The following NREP variants were observed in gnomAD, a reference collection of about 807,000 sequenced individuals.
NREP encodes neuronal regeneration-related protein.
In NREP, 5 loss-of-function variants were observed where a neutral mutation model predicts 8.6. The ratio of observed to expected loss-of-function variants is 0.58; its 90% CI spans 0.30 to 1.22. NREP has a LOEUF of 1.22. Ranked by LOEUF, NREP falls within the 50% of genes most tolerant of loss-of-function variation. The pLI is 0.07. For missense variants in NREP, 86 were observed against 82.5 expected (o/e 1.04, Z -0.17); for synonymous variants, 27 against 28.0 (o/e 0.96, Z 0.11).
intron 2 of NREP, among the ~76,000 whole-genome samples, chr5:111,748,566 G>C (rs893525097): frequency 3.9e-5 from 6 of 152,136 alleles, no homozygotes; most frequent in African/African-American, 1.4e-4. Flanking sequence ...TTCATGGTGT[G>C]GGATCTATTC....
chr5:111,843,668 T>C (rs1380351979), intron 2 of NREP, among the ~76,000 whole-genome samples: 2 of 152,102 alleles, frequency 1.3e-5, no homozygotes, highest in Admixed American at 6.5e-5. Flanking sequence ...TTTGAAGAGG[T>C]AGGCACCTCC....
At chr5:111,822,660 C>T (rs1387365048) in intron 2 of NREP, among the ~76,000 whole-genome samples, 2 of 152,166 alleles carry the variant, frequency 1.3e-5, no homozygotes, top group East Asian at 3.9e-4. Context: ...CTGAAATTTT[C>T]TCCATAACTT....
chr5:111,849,046 C>T (rs1412131544), intron 2 of NREP, among the ~76,000 whole-genome samples: 2 of 152,110 alleles, frequency 1.3e-5, no homozygotes, highest in African/African-American at 4.8e-5. Context: ...CCTCTTTGCT[C>T]AATGAGCTGA....
intron 2 of NREP, among the ~76,000 whole-genome samples, chr5:111,791,264 T>A (rs550858911): frequency 6.6e-6 from 1 of 152,316 alleles, no homozygotes; most frequent in African/African-American, 2.4e-5. Flanking sequence ...AAGTATACAA[T>A]GCATTGTTAT....
intron 1 of NREP, chr5:111,976,571 G>C (rs1214180198): frequency 9.4e-6 from 6 of 640,324 alleles, no homozygotes; most frequent in African/African-American, 3.7e-5. Context: ...TTCATAAACA[G>C]AGTCAAAACA....
intron 2 of NREP, among the ~76,000 whole-genome samples, chr5:111,789,293 T>C (rs1476930961): frequency 1.3e-5 from 2 of 152,192 alleles, no homozygotes; most frequent in African/African-American, 4.8e-5. Context: ...AAAGATGTTA[T>C]CAAACACATT....
intron 2 of NREP, among the ~76,000 whole-genome samples, chr5:111,960,434 A>G (rs904951998): frequency 6.6e-6 from 1 of 152,198 alleles, no homozygotes; most frequent in Non-Finnish European, 1.5e-5. Context: ...AATTCCACAG[A>G]GAGGACTTGC....
At chr5:111,784,067 G>C (rs1751555288) in intron 2 of NREP, among the ~76,000 whole-genome samples, 1 of 152,120 alleles carries the variant, frequency 6.6e-6, no homozygotes, top group Non-Finnish European at 1.5e-5. Flanking sequence ...AGAGGGGGTG[G>C]ACAGTTCAGC....
chr5:111,817,728 C>G (rs1752416639), intron 2 of NREP, among the ~76,000 whole-genome samples: 1 of 149,830 alleles, frequency 6.7e-6, no homozygotes, highest in African/African-American at 2.5e-5. Context: ...TGGCATGAAC[C>G]CAGGAGGCGG....
At chr5:111,890,811 A>T (rs1197294140) in intron 2 of NREP, among the ~76,000 whole-genome samples, 4 of 152,218 alleles carry the variant, frequency 2.6e-5, no homozygotes, top group Non-Finnish European at 4.4e-5. Flanking sequence ...GGCCTGACCC[A>T]CGAAACCATT....
chr5:111,817,197 A>G (rs895943446), intron 2 of NREP, among the ~76,000 whole-genome samples: 3 of 152,164 alleles, frequency 2.0e-5, no homozygotes, highest in African/African-American at 7.2e-5. Flanking sequence ...GTTTTCTACA[A>G]TCACAATTAC....
At chr5:111,872,021 CAT>C (rs144779629) in intron 2 of NREP, among the ~76,000 whole-genome samples, 3 of 148,988 alleles carry the variant, frequency 2.0e-5, no homozygotes, top group Admixed American at 6.7e-5. Context: ...GGTTCCATTT[CAT>C]ATATATATAT....
intron 2 of NREP, among the ~76,000 whole-genome samples, chr5:111,901,703 A>T (rs183792949): frequency 1.1e-4 from 17 of 152,224 alleles, no homozygotes; most frequent in African/African-American, 3.8e-4. Flanking sequence ...CATTTACTAG[A>T]GCTACAAAAA....
intron 2 of NREP, among the ~76,000 whole-genome samples, chr5:111,836,410 G>T (rs1752894819): frequency 1.3e-5 from 2 of 151,998 alleles, no homozygotes; most frequent in Admixed American, 1.3e-4. Context: ...AAATTCTGGA[G>T]GTGGGGAGAG....
At chr5:111,919,616 C>T (rs1296423607) in intron 2 of NREP, among the ~76,000 whole-genome samples, 1 of 151,764 alleles carries the variant, frequency 6.6e-6, no homozygotes, top group Non-Finnish European at 1.5e-5. Flanking sequence ...GCAAACTAAC[C>T]CAAGAACAGA....
intron 2 of NREP, among the ~76,000 whole-genome samples, chr5:111,788,898 A>C (rs773719242): frequency 6.6e-6 from 1 of 152,216 alleles, no homozygotes; most frequent in Admixed American, 6.5e-5. Context: ...TAAAAATAAC[A>C]AAAAGCTGAC....
chr5:111,842,098 GT>G (rs1472041791), intron 2 of NREP, among the ~76,000 whole-genome samples: 1 of 152,070 alleles, frequency 6.6e-6, no homozygotes. Context: ...TCTACACTGA[GT>G]TTAGAGCCAT....
intron 2 of NREP, among the ~76,000 whole-genome samples, chr5:111,966,968 C>T (rs1007842530): frequency 3.9e-5 from 6 of 152,314 alleles, no homozygotes; most frequent in Middle Eastern, 6.8e-3. Flanking sequence ...GCCAGTGCTT[C>T]TCAACAAAGA....
intron 2 of NREP, among the ~76,000 whole-genome samples, chr5:111,753,746 T>C (rs951093428): frequency 2.6e-5 from 4 of 152,142 alleles, no homozygotes; most frequent in African/African-American, 9.7e-5. Context: ...GTTTCTACTG[T>C]ATGTGGGCTA....
Sources: allele counts gnomAD v4.1 joint callset (sites outside exome capture counted in the v4.1 genomes callset), GRCh38; gene constraint gnomAD v4.1.1; transcripts MANE v1.5; gene names NCBI Gene and HGNC (gene_info 2026-07-23, HGNC 2026-07-21).